CYP4F3: variants seen among roughly 807,000 people sequenced by gnomAD.
The protein encoded by CYP4F3 is cytochrome P450 4F3.
CYP4F3 carries 50 observed loss-of-function variants against 54.8 expected under a neutral mutation model. The observed-to-expected ratio is 0.91, with a 90% confidence interval of 0.73 to 1.16. The LOEUF (loss-of-function observed/expected upper bound fraction) is 1.16. Ranked by LOEUF, CYP4F3 falls within the 50% of genes most tolerant of loss-of-function variation. The probability of loss-of-function intolerance (pLI) is 0.00; values close to 1 mark genes in which losing one functional copy is unlikely to be tolerated. For missense variants in CYP4F3, 715 were observed against 676.2 expected (o/e 1.06, Z -0.64); for synonymous variants, 244 against 262.6 (o/e 0.93, Z 0.69).
intron 10 of CYP4F3, 37 bp downstream of exon 10, chr19:15,658,434 G>A (rs1219515603): frequency 6.2e-7 from 1 of 1,613,624 alleles, no homozygotes; most frequent in African/African-American, 1.3e-5. Flanking sequence ...TCCTGGGTAG[G>A]AAGAGGGGCC....
At position 15,662,502 on chromosome 19, in the gene CYP4F3, C is replaced by G. The variant is rs1160876509; in HGVS notation, c.*3117C>G. ...GGGAATCCTTCAACTACATTTTTTC[C>G]CCAATAATTTTTGGCTATTCTGCTT... On this transcript the variant is annotated 3_prime_UTR_variant, in exon 13 of 13. Coordinates refer to ENST00000221307, the MANE Select transcript of CYP4F3 (RefSeq NM_000896.3). 2.0e-5 allele frequency: 3 copies of G among 151,620 alleles called. No homozygotes were observed. The highest frequency in any genetic ancestry group is 4.4e-5 in the Non-Finnish European group (3 of 67,926). 9.4% of individuals were successfully genotyped at this position (151,620 alleles called of 1,614,324 possible). A position where few individuals can be genotyped will look rare whatever the true frequency, so the allele number is the denominator to read the frequency against.
In CYP4F3 at chr19:15,641,528, C is replaced by G; in HGVS notation, c.113C>G (p.Thr38Ser). Residue 38 changes from threonine (T) to serine (S), a missense_variant, in exon 2 of 13, where the codon ACC becomes AGC. Coordinates refer to ENST00000221307, the MANE Select transcript of CYP4F3 (RefSeq NM_000896.3). ...CTCCTGGCCCGCATCCTGGCCTGGA[C>G]CTATACCTTCTATGACAACTGCTGC... ...SWLLARILAW[T>S]YTFYDNCCRL... 1.2e-6 allele frequency: 2 copies of G among 1,614,164 alleles called. No homozygotes were observed. Among genetic ancestry groups the G allele is most frequent in the Non-Finnish European group, 1.7e-6 (2 of 1,180,030 alleles).
rs372147266 is a variant in CYP4F3, at chr19:15,645,674, G to A, written c.199-45G>A. 92 of 1,535,168 alleles carry A rather than the reference G, an allele frequency of 6.0e-5. 1 individual carries two copies. The highest frequency in any genetic ancestry group is 1.9e-4 in the Middle Eastern group (1 of 5,370). Reference sequence around the variant, plus strand: ...TCTTCCCTGCAGATCCTTCTCTCTCGCAGCCTAGGAGAGCATGAATTGGGT... The same window carrying A: ...TCTTCCCTGCAGATCCTTCTCTCTCACAGCCTAGGAGAGCATGAATTGGGT... On this transcript the variant is annotated intron_variant, in intron 2 of 12. Transcript: ENST00000221307.
chr19:15,655,233 C>G (rs1246895921), intron 9 of CYP4F3, among the ~76,000 whole-genome samples: 1 of 152,080 alleles, frequency 6.6e-6, no homozygotes, highest in African/African-American at 2.4e-5. Context: ...GGTTACTTTT[C>G]CTATTGAGTT....
At position 15,658,369 on chromosome 19, in the gene CYP4F3, G is replaced by A; in HGVS notation, c.1221G>A (p.Val407=). The change falls in exon 10 of 13, where the codon GTG becomes GTA. Residue 407 remains valine, a synonymous_variant. Coordinates refer to ENST00000221307, the MANE Select transcript of CYP4F3 (RefSeq NM_000896.3). ...AVSRCCTQDI[V]LPDGRVIPKG... ...CTCGCTGCTGCACCCAAGACATTGTGCTCCCAGACGGCCGGGTCATCCCCA... is the reference window on the plus strand; with the variant it reads ...CTCGCTGCTGCACCCAAGACATTGTACTCCCAGACGGCCGGGTCATCCCCA... 6.2e-7 allele frequency: 1 copy of A among 1,614,104 alleles called. No homozygotes were observed.
chr19:15,655,016 A>G (rs905254335), intron 9 of CYP4F3, among the ~76,000 whole-genome samples: 9 of 152,144 alleles, frequency 5.9e-5, no homozygotes, highest in African/African-American at 1.9e-4. Context: ...CCCTTTCTCC[A>G]TATCCTCACC....
intron 2 of CYP4F3, chr19:15,644,073 G>C: frequency 6.5e-7 from 1 of 1,548,336 alleles, no homozygotes; most frequent in African/African-American, 1.4e-5. Context: ...AATACTTGGT[G>C]GTGGGTGCTA....
intron 9 of CYP4F3, among the ~76,000 whole-genome samples, chr19:15,654,372 C>T (rs1972958779): frequency 6.6e-6 from 1 of 152,142 alleles, no homozygotes; most frequent in African/African-American, 2.4e-5. Flanking sequence ...TTTGTCTTTT[C>T]TTTATGCTAG....
chr19:15,658,661 A>ACTGT (rs1973100329), intron 11 of CYP4F3, 66 bp from the exon 12 acceptor site: 4 of 1,609,674 alleles, frequency 2.5e-6, no homozygotes, highest in South Asian at 1.1e-5. Context: ...GACACACACC[A>ACTGT]CTGTCTCTCC....
At position 15,641,686 on chromosome 19, in the gene CYP4F3, G is replaced by A. The variant is rs1972469574; in HGVS notation, c.198+73G>A. 3 of 1,457,110 alleles carry A rather than the reference G, an allele frequency of 2.1e-6. No homozygotes were observed. The East Asian group carries it at 6.9e-5, about 33-fold the overall frequency. 90.3% of individuals were successfully genotyped at this position (1,457,110 alleles called of 1,614,324 possible). ...TCCTGAGGGGTAAGAATGAGGCTCAGGTGAGAGGGGGTGGGCTGGGGTCTG... is the reference window on the plus strand; with the variant it reads ...TCCTGAGGGGTAAGAATGAGGCTCAAGTGAGAGGGGGTGGGCTGGGGTCTG... On this transcript the variant is annotated intron_variant, in intron 2 of 12. Coordinates refer to ENST00000221307, the MANE Select transcript of CYP4F3 (RefSeq NM_000896.3).
At chr19:15,649,065 G>A in intron 5 of CYP4F3, 95 bp from the exon 6 acceptor site, 1 of 1,557,264 alleles carries the variant, frequency 6.4e-7, no homozygotes, top group South Asian at 1.2e-5. Flanking sequence ...AAGATGAAGA[G>A]GCTTATTCTG....
chr19:15,646,751 C>T (rs761293037), intron 3 of CYP4F3, among the ~76,000 whole-genome samples: 1 of 152,064 alleles, frequency 6.6e-6, no homozygotes, highest in African/African-American at 2.4e-5. Context: ...GAGTGCTGAG[C>T]GTGTTCAGGG....
intron 2 of CYP4F3, 38 bp from the exon 3 acceptor site, chr19:15,645,681 A>G (rs747993668): frequency 2.5e-6 from 4 of 1,574,272 alleles, no homozygotes; most frequent in Admixed American, 3.5e-5. Context: ...CTCGCAGCCT[A>G]GGAGAGCATG....
chr19:15,656,509 CTATCTATCTATCTAT>C (rs752986272), intron 9 of CYP4F3, among the ~76,000 whole-genome samples: 4,408 of 64,910 alleles, frequency 0.068, 80 homozygotes, highest in Middle Eastern at 0.14. Context: ...ATCTATCTAT[CTATCTATCTATCTAT>C]TTCTATCATC....
chr19:15,652,662 T>C (rs1272884007), intron 8 of CYP4F3, 27 bp downstream of exon 8: 1 of 1,613,872 alleles, frequency 6.2e-7, no homozygotes, highest in East Asian at 2.2e-5. Context: ...GGGGCTAGAG[T>C]GGGGACTTGG....
In CYP4F3 at chr19:15,659,092, C is replaced by T. The variant is rs139799081; in HGVS notation, c.1398-128C>T. 5.3e-4 allele frequency: 714 copies of T among 1,345,722 alleles called. No homozygotes were observed. The African/African-American group carries it at 7.1e-3, about 13-fold the overall frequency. 83.4% of individuals were successfully genotyped at this position (1,345,722 alleles called of 1,614,324 possible). On this transcript the variant is annotated intron_variant, in intron 12 of 12. Coordinates refer to ENST00000221307, the MANE Select transcript of CYP4F3 (RefSeq NM_000896.3). ...GCAAGCCCACATGGGGATCCAGGCA[C>T]GGATACCCCCTTCTCTGTTCCTCAA...
Position 15,649,909 on chromosome 19 carries a change from G to C in CYP4F3, c.648-4G>C, listed in dbSNP as rs1448811538. 1 of 1,612,954 alleles carries C rather than the reference G, an allele frequency of 6.2e-7. No homozygotes were observed. Among genetic ancestry groups the C allele is most frequent in the Non-Finnish European group, 8.5e-7 (1 of 1,179,170 alleles). ...TTGCCTCCCTTTCTGCCCTTATCCTGCAGGAAGCCCAGTGAATATATTGCC... is the reference window on the plus strand; with the variant it reads ...TTGCCTCCCTTTCTGCCCTTATCCTCCAGGAAGCCCAGTGAATATATTGCC... On this transcript the variant is annotated splice_region_variant and splice_polypyrimidine_tract_variant and intron_variant, in intron 6 of 12. Coordinates refer to ENST00000221307, the MANE Select transcript of CYP4F3 (RefSeq NM_000896.3).
chr19:15,647,650 A>G (rs1260388879), intron 5 of CYP4F3, among the ~76,000 whole-genome samples: 1 of 152,188 alleles, frequency 6.6e-6, no homozygotes, highest in Non-Finnish European at 1.5e-5. Flanking sequence ...ATTGGTTTAA[A>G]CCAATAAAGG....
chr19:15,645,049 A>G (rs1972582379), intron 2 of CYP4F3, among the ~76,000 whole-genome samples: 1 of 152,194 alleles, frequency 6.6e-6, no homozygotes, highest in African/African-American at 2.4e-5. Context: ...TCTTGGCTTT[A>G]GCTTTCTCCA....
Sources: allele counts gnomAD v4.1 joint callset (sites outside exome capture counted in the v4.1 genomes callset), GRCh38; gene constraint gnomAD v4.1.1; transcripts MANE v1.5; gene names NCBI Gene and HGNC (gene_info 2026-07-23, HGNC 2026-07-21).